The following THEMIS variants were observed in gnomAD, a reference collection of about 807,000 sequenced individuals.
The protein encoded by THEMIS is thymocyte selection associated, also known as protein THEMIS.
In THEMIS, 37 loss-of-function variants were observed where a neutral mutation model predicts 52.6. The ratio of observed to expected loss-of-function variants is 0.70; its 90% CI spans 0.54 to 0.93. The LOEUF is 0.93. Among genes scored for constraint, THEMIS ranks in the 40% least tolerant of loss-of-function variants. THEMIS has a pLI of 0.00. For missense variants in THEMIS, 808 were observed against 763.1 expected (o/e 1.06, Z -0.69); for synonymous variants, 292 against 272.7 (o/e 1.07, Z -0.70).
At chr6:127,729,289 C>G (rs1181504755) in intron 4 of THEMIS, among the ~76,000 whole-genome samples, 1 of 151,660 alleles carries the variant, frequency 6.6e-6, no homozygotes, top group African/African-American at 2.4e-5. Context: ...GACATACATT[C>G]ATGTTACCTG....
At chr6:127,828,455 G>A (rs1364062497) in intron 3 of THEMIS, among the ~76,000 whole-genome samples, 1 of 152,134 alleles carries the variant, frequency 6.6e-6, no homozygotes, top group Non-Finnish European at 1.5e-5. Flanking sequence ...TAAACAGGGA[G>A]TTTAAATGGT....
Position 127,901,052 on chromosome 6 carries a change from A to G in THEMIS, c.-120T>C. The G allele has an allele frequency of 1.3e-6, 1 of 792,020 alleles. No homozygotes were observed. The highest frequency in any genetic ancestry group is 2.5e-5 in the East Asian group (1 of 40,216). The allele number at this position is 792,020 out of a possible 1,614,324, so 49.1% of individuals were successfully genotyped here. A position where few individuals can be genotyped will look rare whatever the true frequency, so the allele number is the denominator to read the frequency against. On this transcript the variant is annotated 5_prime_UTR_variant, in exon 1 of 6. Transcript: ENST00000368248. ...TCTTCCTCAGGCAGGCAGGAATGTC[A>G]CACTACAGCCAGAGTGGGGTGGAGT...
chr6:127,750,246 G>C (rs763705088), intron 4 of THEMIS, among the ~76,000 whole-genome samples: 1 of 151,350 alleles, frequency 6.6e-6, no homozygotes, highest in East Asian at 1.9e-4. Flanking sequence ...GCTGAGAAAA[G>C]ATATTTTCCC....
intron 5 of THEMIS, among the ~76,000 whole-genome samples, chr6:127,718,817 C>A (rs940324966): frequency 2.0e-5 from 3 of 151,716 alleles, no homozygotes; most frequent in Admixed American, 6.6e-5. Context: ...CTCTATGGGA[C>A]TTTTTTATAG....
At chr6:127,873,346 AAAG>A (rs543571280) in intron 1 of THEMIS, among the ~76,000 whole-genome samples, 100 of 152,336 alleles carry the variant, frequency 6.6e-4, no homozygotes, top group African/African-American at 2.4e-3. Context: ...CAATTTCGTA[AAAG>A]AAGACCAAAG....
rs1201939473 is a variant in THEMIS at position 127,813,893 on chromosome 6, C to T, written c.748G>A (p.Val250Ile). 2 of 1,597,384 alleles carry T rather than the reference C, an allele frequency of 1.3e-6. No homozygotes were observed. Among genetic ancestry groups the T allele is most frequent in the Admixed American group, 1.8e-5 (1 of 56,018 alleles). The change falls in exon 4 of 6, where the codon GTC becomes ATC. Residue 250 changes from valine (V) to isoleucine (I), a missense_variant. Physicochemically the swap from Val to Ile is conservative, Grantham distance 29 (BLOSUM62 3). Transcript: ENST00000368248. ...GAATCAGTGATGTCTTTGACTTCGA[C>T]ATCTAGACTGGGGAGGATGCGGATT... The part of the protein sequence containing the change: ...DIIRILPSLD[V>I]EVKDITDSYD...
intron 4 of THEMIS, among the ~76,000 whole-genome samples, chr6:127,730,277 TAAAGA>T (rs200876150): frequency 0.23 from 12,639 of 54,624 alleles, 890 homozygotes; most frequent in East Asian, 0.36. Context: ...CTATAGGAAA[TAAAGA>T]AAAGAAAAGA....
At chr6:127,749,439 G>T (rs2114327725) in intron 4 of THEMIS, among the ~76,000 whole-genome samples, 1 of 152,038 alleles carries the variant, frequency 6.6e-6, no homozygotes, top group South Asian at 2.1e-4. Context: ...AGCTTATTTT[G>T]AAAGAAAATT....
At position 127,844,798 on chromosome 6, in the gene THEMIS, C is replaced by T. The variant is rs141237760; in HGVS notation, c.250+10232G>A. ...CTATGGAGATAATGTAATCAACTAC[C>T]GAATAGGATATATTTTTGTTGCTTT... On this transcript the variant is annotated intron_variant, in intron 2 of 5. Coordinates refer to ENST00000368248, the MANE Select transcript of THEMIS (RefSeq NM_001010923.3). Among the ~76,000 whole-genome samples the T allele has an allele frequency of 2.2e-4, 33 of 151,834 alleles. 1 individual carries two copies. The East Asian group carries it at 5.1e-3, about 23-fold the overall frequency.
rs757885132 is a variant in THEMIS at position 127,813,237 on chromosome 6, A to C, written c.1404T>G (p.Ile468Met). ...NVKVSVRDLS[I>M]EEDVLAATPG... Reference sequence around the variant, plus strand: ...GTGTGGCAGCCAACACGTCCTCTTCAATGGAAAGATCCCTGACAGACACCT... The same window carrying C: ...GTGTGGCAGCCAACACGTCCTCTTCCATGGAAAGATCCCTGACAGACACCT... Residue 468 changes from isoleucine (I) to methionine (M), a missense_variant, in exon 4 of 6, where the codon ATT (isoleucine) becomes ATG (methionine). Physicochemically the swap from Ile to Met is conservative, Grantham distance 10. Transcript: ENST00000368248. The C allele has an allele frequency of 1.9e-6, 3 of 1,613,992 alleles. No individual in the cohort carries two copies. Among genetic ancestry groups the C allele is most frequent in the Non-Finnish European group, 2.5e-6 (3 of 1,179,990 alleles).
At chr6:127,799,553 ATCTTTCTTTCTT>A (rs748513282) in intron 4 of THEMIS, among the ~76,000 whole-genome samples, 6,103 of 144,592 alleles carry the variant, frequency 0.042, 404 homozygotes, top group African/African-American at 0.14. Context: ...CTTTCTTTCT[ATCTTTCTTTCTT>A]TCTTTCTTTC....
At chr6:127,863,625 T>C (rs566975086) in intron 1 of THEMIS, among the ~76,000 whole-genome samples, 1 of 152,322 alleles carries the variant, frequency 6.6e-6, no homozygotes, top group South Asian at 2.1e-4. Flanking sequence ...GTTTACTGCA[T>C]AGGTTGCCCA....
chr6:127,816,619 T>C (rs1489730230), intron 3 of THEMIS, among the ~76,000 whole-genome samples: 1 of 152,220 alleles, frequency 6.6e-6, no homozygotes, highest in Non-Finnish European at 1.5e-5. Flanking sequence ...CTAAGCTACA[T>C]TGTCTTTTGC....
At chr6:127,885,741 A>C (rs943524184) in intron 1 of THEMIS, among the ~76,000 whole-genome samples, 1 of 152,154 alleles carries the variant, frequency 6.6e-6, no homozygotes, top group Non-Finnish European at 1.5e-5. Flanking sequence ...ACTTCTTGGC[A>C]TTTACAAATT....
intron 4 of THEMIS, among the ~76,000 whole-genome samples, chr6:127,791,758 T>C (rs1777165639): frequency 6.6e-6 from 1 of 152,024 alleles, no homozygotes; most frequent in Non-Finnish European, 1.5e-5. Flanking sequence ...CTCCCTCCCA[T>C]GTTTGTGAGC....
intron 3 of THEMIS, among the ~76,000 whole-genome samples, chr6:127,825,790 G>T (rs1778487171): frequency 6.6e-6 from 1 of 151,816 alleles, no homozygotes; most frequent in East Asian, 1.9e-4. Context: ...GATAGTTTGG[G>T]TTCTTTGAAA....
chr6:127,795,518 T>C (rs1329537774), intron 4 of THEMIS, among the ~76,000 whole-genome samples: 1 of 152,036 alleles, frequency 6.6e-6, no homozygotes, highest in Non-Finnish European at 1.5e-5. Flanking sequence ...TTAGTAAAGA[T>C]GGGGTTTCAC....
intron 4 of THEMIS, among the ~76,000 whole-genome samples, chr6:127,777,644 G>C (rs1322662606): frequency 1.3e-5 from 2 of 152,160 alleles, no homozygotes; most frequent in African/African-American, 2.4e-5. Flanking sequence ...GCTGGACTGA[G>C]AGCTGGAAAG....
At chr6:127,875,569 T>C (rs1485516828) in intron 1 of THEMIS, among the ~76,000 whole-genome samples, 1 of 152,218 alleles carries the variant, frequency 6.6e-6, no homozygotes, top group Non-Finnish European at 1.5e-5. Flanking sequence ...TAATCTGAGC[T>C]GCCCAATACT....
Sources: allele counts gnomAD v4.1 joint callset (sites outside exome capture counted in the v4.1 genomes callset), GRCh38; gene constraint gnomAD v4.1.1; transcripts MANE v1.5; gene names NCBI Gene and HGNC (gene_info 2026-07-23, HGNC 2026-07-21).